C12orf42: variants seen among roughly 807,000 people sequenced by gnomAD.
C12orf42 encodes uncharacterized protein C12orf42.
C12orf42 carries 25 observed loss-of-function variants against 21.6 expected under a neutral mutation model. That is an observed-to-expected ratio of 1.16 (90% CI 0.84 to 1.62). The LOEUF (loss-of-function observed/expected upper bound fraction) is 1.62. Ranked by LOEUF, C12orf42 falls within the 40% of genes most tolerant of loss-of-function variation. C12orf42 has a pLI of 0.00. For synonymous variants in C12orf42, 174 were observed against 175.0 expected (o/e 0.99, Z 0.05); for missense variants, 483 against 459.3 (o/e 1.05, Z -0.47).
the C12orf42 span, among the ~76,000 whole-genome samples, chr12:103,104,681 C>A: frequency 6.6e-6 from 1 of 152,200 alleles, no homozygotes; most frequent in Non-Finnish European, 1.5e-5. Flanking sequence ...CCTCATGATC[C>A]ACCTGCCTCC....
At chr12:103,277,023 T>C (rs1339986148) in intron 5 of C12orf42, 1 of 406,954 alleles carries the variant, frequency 2.5e-6, no homozygotes, top group Non-Finnish European at 4.8e-6. Flanking sequence ...AGTATAATTA[T>C]TTACAATAAA....
chr12:103,185,865 A>T, the C12orf42 span, among the ~76,000 whole-genome samples: 67 of 152,034 alleles, frequency 4.4e-4, no homozygotes, highest in African/African-American at 1.6e-3. Flanking sequence ...GTCTAATTAA[A>T]CCTCTTTTTC....
the C12orf42 span, among the ~76,000 whole-genome samples, chr12:103,214,406 T>G: frequency 6.6e-6 from 1 of 152,144 alleles, no homozygotes; most frequent in Non-Finnish European, 1.5e-5. Flanking sequence ...AGAACAATGG[T>G]CTGAACATCC....
chr12:103,361,361 A>C (rs894958731), intron 4 of C12orf42, among the ~76,000 whole-genome samples: 7 of 152,124 alleles, frequency 4.6e-5, no homozygotes, highest in Admixed American at 2.0e-4. Context: ...AGGAAGCAGC[A>C]GGAAAAGCCC....
chr12:103,464,525 C>G (rs1264055414), intron 2 of C12orf42, among the ~76,000 whole-genome samples: 3 of 151,754 alleles, frequency 2.0e-5, no homozygotes, highest in African/African-American at 7.3e-5. Context: ...TGTCTGTTCA[C>G]TCTGATGATA....
the C12orf42 span, among the ~76,000 whole-genome samples, chr12:103,066,991 G>A: frequency 1.3e-5 from 2 of 152,184 alleles, no homozygotes; most frequent in Admixed American, 1.3e-4. Flanking sequence ...CATGGGCTCA[G>A]CAACATGGAC....
chr12:103,369,341 G>C (rs758366738), intron 3 of C12orf42, among the ~76,000 whole-genome samples: 1 of 146,284 alleles, frequency 6.8e-6, no homozygotes, highest in Non-Finnish European at 1.5e-5. Context: ...TATTAGTGGA[G>C]AGTGACAAAA....
intron 2 of C12orf42, among the ~76,000 whole-genome samples, chr12:103,452,029 G>A (rs868254663): frequency 6.6e-6 from 1 of 151,900 alleles, no homozygotes; most frequent in Non-Finnish European, 1.5e-5. Flanking sequence ...GAGTTCATGG[G>A]TCCACTGAGA....
At chr12:103,543,902 TG>T in the C12orf42 span, among the ~76,000 whole-genome samples, 20,017 of 146,072 alleles carry the variant, frequency 0.14, 1,582 homozygotes, top group East Asian at 0.25. Flanking sequence ...TTTTGTTTTT[TG>T]TTTTTTTTGA....
chr12:103,302,723 C>T (rs2037850964), intron 5 of C12orf42, among the ~76,000 whole-genome samples, 164 bp from the exon 6 acceptor site: 1 of 151,520 alleles, frequency 6.6e-6, no homozygotes, highest in Admixed American at 6.6e-5. Flanking sequence ...CCTGCCTCCC[C>T]ATATTTCTCT....
downstream of C12orf42, among the ~76,000 whole-genome samples, chr12:103,232,648 T>G (rs1367240619): frequency 1.3e-5 from 2 of 149,080 alleles, no homozygotes; most frequent in Non-Finnish European, 2.9e-5. Flanking sequence ...GAGGCAGAGC[T>G]TGAAGTGAGC....
intron 2 of C12orf42, among the ~76,000 whole-genome samples, chr12:103,402,484 C>T (rs1284247692): frequency 2.6e-5 from 4 of 152,122 alleles, no homozygotes; most frequent in African/African-American, 9.7e-5. Flanking sequence ...TTGCTAAAAC[C>T]AGTCTGCTAA....
At chr12:103,264,355 A>G (rs908968254), downstream of C12orf42, among the ~76,000 whole-genome samples, 2 of 152,184 alleles carry the variant, frequency 1.3e-5, no homozygotes. Flanking sequence ...TAGAAGAGAA[A>G]GAGGTTTAAT....
intron 10 of C12orf42, among the ~76,000 whole-genome samples, chr12:103,240,630 T>A (rs1401969147): frequency 6.6e-6 from 1 of 152,196 alleles, no homozygotes; most frequent in East Asian, 1.9e-4. Flanking sequence ...TGTTTCCATG[T>A]CCCAGGCTAA....
At chr12:103,314,863 T>C (rs1180385933) in intron 4 of C12orf42, among the ~76,000 whole-genome samples, 1 of 152,176 alleles carries the variant, frequency 6.6e-6, no homozygotes, top group Non-Finnish European at 1.5e-5. Context: ...TGAGATTTAA[T>C]CATAAGATTA....
intron 10 of C12orf42, among the ~76,000 whole-genome samples, chr12:103,255,631 A>G (rs1296891005): frequency 6.6e-6 from 1 of 152,052 alleles, no homozygotes; most frequent in African/African-American, 2.4e-5. Flanking sequence ...CGTTTGTTTT[A>G]AGGACCATTT....
the C12orf42 span, among the ~76,000 whole-genome samples, chr12:103,200,462 G>A: frequency 6.6e-6 from 1 of 152,088 alleles, no homozygotes; most frequent in African/African-American, 2.4e-5. Flanking sequence ...CCATAAAAGG[G>A]TATATATTAT....
rs542743869 is a variant in C12orf42, at chr12:103,399,364, GTTGT to G, written c.147+2239_147+2242del. ...TATTAAGTCTATTTTTGTTGTTGTTGTTGTTTATTTGTTTGTTTGTTTGAAACAG... is the reference window on the plus strand; with the variant it reads ...TATTAAGTCTATTTTTGTTGTTGTTGTTATTTGTTTGTTTGTTTGAAACAG... On this transcript the variant is annotated intron_variant, in intron 3 of 5. Coordinates refer to ENST00000548883, the MANE Select transcript of C12orf42 (RefSeq NM_198521.5). 1.3e-3 allele frequency among the ~76,000 whole-genome samples: 200 copies of G among 151,680 alleles called. 1 individual carries two copies. The highest frequency in any genetic ancestry group is 4.5e-3 in the African/African-American group (186 of 41,374).
intron 4 of C12orf42, among the ~76,000 whole-genome samples, chr12:103,364,306 G>A (rs1301359621): frequency 6.6e-6 from 1 of 151,948 alleles, no homozygotes; most frequent in Admixed American, 6.6e-5. Flanking sequence ...CAATAATAGT[G>A]ACACAACCCA....
Sources: allele counts gnomAD v4.1 joint callset (sites outside exome capture counted in the v4.1 genomes callset), GRCh38; gene constraint gnomAD v4.1.1; transcripts MANE v1.5; gene names NCBI Gene and HGNC (gene_info 2026-07-23, HGNC 2026-07-21).